MIGA1: variants seen among roughly 807,000 people sequenced by gnomAD.
MIGA1 encodes the protein family with sequence similarity 73, member A.
Under a neutral mutation model 82.0 loss-of-function variants are expected in MIGA1, and 58 were observed. The observed-to-expected ratio is 0.71, with a 90% CI of 0.57 to 0.88. The LOEUF (loss-of-function observed/expected upper bound fraction) is 0.88, where lower values mean the gene tolerates loss of function less well. Among genes scored for constraint, MIGA1 ranks in the 40% least tolerant of loss-of-function variants. MIGA1 has a pLI of 0.00. For synonymous variants in MIGA1, 249 were observed against 253.6 expected, an observed-to-expected ratio of 0.98 and a Z score of 0.17; for missense variants, 751 against 749.1, an observed-to-expected ratio of 1.00 and a Z score of -0.03.
At chr1:77,848,752 C>T (rs1684935853) in intron 8 of MIGA1, 2 of 1,416,362 alleles carry the variant, frequency 1.4e-6, no homozygotes, top group Non-Finnish European at 9.9e-7. Flanking sequence ...CTTGGCCAGG[C>T]AGATGGTGCA....
intron 2 of MIGA1, among the ~76,000 whole-genome samples, chr1:77,796,408 C>T (rs1351810656): frequency 2.0e-5 from 3 of 151,874 alleles, no homozygotes; most frequent in East Asian, 1.9e-4. Context: ...GTGAGCCCAC[C>T]GTGCCTGGTC....
rs139173355 is a variant in MIGA1 at position 77,798,571 on chromosome 1, A to G, written c.196-2760A>G. On this transcript the variant is annotated intron_variant, in intron 2 of 15. Coordinates refer to ENST00000370791, the MANE Select transcript of MIGA1 (RefSeq NM_198549.4). ...AGTAGGAAACTGCCCCTATGATTCAATTATCTCCCACGGGGGCCAACTCAC... is the reference window on the plus strand; with the variant it reads ...AGTAGGAAACTGCCCCTATGATTCAGTTATCTCCCACGGGGGCCAACTCAC... Among the ~76,000 whole-genome samples the G allele has an allele frequency of 1.6e-3, 248 of 152,260 alleles. 1 individual carries two copies. Among genetic ancestry groups the G allele is most frequent in the African/African-American group, 4.6e-3 (193 of 41,552 alleles).
At chr1:77,784,066 T>C (rs74850498) in intron 2 of MIGA1, among the ~76,000 whole-genome samples, 1 of 152,188 alleles carries the variant, frequency 6.6e-6, no homozygotes, top group Non-Finnish European at 1.5e-5. Context: ...TGTTTGTTGA[T>C]GGACATTGGA....
chr1:77,818,540 G>C (rs1053228476), intron 7 of MIGA1, among the ~76,000 whole-genome samples: 1 of 152,156 alleles, frequency 6.6e-6, no homozygotes. Context: ...GTGGCTACTA[G>C]TTATTAGTAG....
At position 77,877,551 on chromosome 1, in the gene MIGA1, A is replaced by G. The variant is rs184147571; in HGVS notation, c.*2487A>G. On this transcript the variant is annotated 3_prime_UTR_variant, in exon 16 of 16. Transcript: ENST00000370791. ...GTTGCGGTATCTTTGGCCTTCACAC[A>G]CACATGTGTGCGTGCACGTGCATTT... 1.3e-5 allele frequency: 2 copies of G among 152,670 alleles called. No individual in the cohort carries two copies. Among genetic ancestry groups the G allele is most frequent in the African/African-American group, 2.4e-5 (1 of 41,568 alleles). The allele number at this position is 152,670 out of a possible 1,614,324, so 9.5% of individuals were successfully genotyped here. A position where few individuals can be genotyped will look rare whatever the true frequency, so the allele number is the denominator to read the frequency against.
At chr1:77,781,596 C>T (rs1681918610) in intron 1 of MIGA1, among the ~76,000 whole-genome samples, 1 of 152,176 alleles carries the variant, frequency 6.6e-6, no homozygotes, top group South Asian at 2.1e-4. Flanking sequence ...TCTTATTCTC[C>T]AGAGGACCAT....
chr1:77,857,522 AT>A (rs796996115), intron 8 of MIGA1, among the ~76,000 whole-genome samples: 1 of 151,398 alleles, frequency 6.6e-6, no homozygotes, highest in Non-Finnish European at 1.5e-5. Flanking sequence ...GCCCCCCCTA[AT>A]TTTTTTAATT....
intron 2 of MIGA1, among the ~76,000 whole-genome samples, chr1:77,792,621 A>G (rs1682474117): frequency 6.6e-6 from 1 of 152,178 alleles, no homozygotes; most frequent in Non-Finnish European, 1.5e-5. Flanking sequence ...TTACACTAAT[A>G]GTTTTGTACT....
chr1:77,824,109 A>T (rs919801947), intron 7 of MIGA1, among the ~76,000 whole-genome samples: 1 of 152,250 alleles, frequency 6.6e-6, no homozygotes, highest in Non-Finnish European at 1.5e-5. Flanking sequence ...TTTAGCAGCA[A>T]ACATGCTGGA....
At chr1:77,857,292 C>T (rs1685295316) in intron 8 of MIGA1, among the ~76,000 whole-genome samples, 2 of 149,384 alleles carry the variant, frequency 1.3e-5, no homozygotes, top group African/African-American at 4.9e-5. Flanking sequence ...CTATTACATT[C>T]ACTCTGCTCT....
At chr1:77,807,225 G>A (rs533989510) in intron 5 of MIGA1, 124 bp downstream of exon 5, 10 of 613,032 alleles carry the variant, frequency 1.6e-5, no homozygotes, top group South Asian at 1.3e-4. Flanking sequence ...ACGGTGGCGC[G>A]ATTACTGCTC....
chr1:77,861,619 G>A (rs1176739439), intron 12 of MIGA1: 4 of 331,452 alleles, frequency 1.2e-5, no homozygotes, highest in Admixed American at 9.4e-5. Context: ...GCCCCTAGCA[G>A]GACAGGAATG....
intron 11 of MIGA1, chr1:77,861,012 CT>C (rs1379657420): frequency 1.3e-5 from 6 of 466,642 alleles, no homozygotes; most frequent in Non-Finnish European, 1.9e-5. Flanking sequence ...AAATAGTTTG[CT>C]TGTGACATTT....
chr1:77,842,852 T>C (rs1684679811), intron 7 of MIGA1, among the ~76,000 whole-genome samples: 2 of 152,216 alleles, frequency 1.3e-5, no homozygotes, highest in South Asian at 4.1e-4. Flanking sequence ...GTGAATTGTT[T>C]TAATTGATCA....
At chr1:77,819,686 C>A (rs1432918322) in intron 7 of MIGA1, among the ~76,000 whole-genome samples, 1 of 152,050 alleles carries the variant, frequency 6.6e-6, no homozygotes, top group Non-Finnish European at 1.5e-5. Context: ...TGGGCTCAAG[C>A]GATCCTCTCA....
intron 7 of MIGA1, among the ~76,000 whole-genome samples, chr1:77,817,836 G>A (rs1238367695): frequency 6.6e-6 from 1 of 152,012 alleles, no homozygotes; most frequent in Admixed American, 6.6e-5. Context: ...CGGGGCGAAT[G>A]TAAACCAAGT....
intron 4 of MIGA1, 107 bp downstream of exon 4, chr1:77,803,513 TAAG>T (rs767274869): frequency 2.2e-5 from 10 of 462,302 alleles, no homozygotes; most frequent in Non-Finnish European, 3.2e-5. Flanking sequence ...GAAATACTCT[TAAG>T]AAATCGTCTG....
chr1:77,832,952 A>G (rs946128284), intron 7 of MIGA1, among the ~76,000 whole-genome samples: 1 of 152,230 alleles, frequency 6.6e-6, no homozygotes, highest in Non-Finnish European at 1.5e-5. Flanking sequence ...TTGCCAGCTT[A>G]GTACTGACTG....
chr1:77,845,905 A>G (rs188417702), intron 8 of MIGA1, among the ~76,000 whole-genome samples: 17 of 151,292 alleles, frequency 1.1e-4, no homozygotes, highest in Middle Eastern at 3.5e-3. Flanking sequence ...ATTTTCCTGT[A>G]TAAGCTTTGC....
Sources: gnomAD v4.1 joint callset for allele counts (sites outside exome capture counted in the v4.1 genomes callset) on GRCh38, gnomAD v4.1.1 for gene constraint, MANE v1.5 for transcripts, NCBI Gene and HGNC (gene_info 2026-07-23, HGNC 2026-07-21) for gene names.